OCA2: variants seen among roughly 807,000 people sequenced by gnomAD.
OCA2 encodes OCA2 melanosomal transmembrane protein, also known as P protein.
Under a neutral mutation model 100.2 loss-of-function variants are expected in OCA2, and 77 were observed. The ratio of observed to expected loss-of-function variants is 0.77; its 90% confidence interval spans 0.64 to 0.93. The LOEUF is 0.93. Among genes scored for constraint, OCA2 ranks in the 40% least tolerant of loss-of-function variants. OCA2 has a pLI of 0.00. For synonymous variants in OCA2, 432 were observed against 439.2 expected, an observed-to-expected ratio of 0.98 and a Z score of 0.21; for missense variants, 1,062 against 1,089.1, an observed-to-expected ratio of 0.98 and a Z score of 0.35.
intron 23 of OCA2, among the ~76,000 whole-genome samples, chr15:27,793,506 G>A (rs1392966592): frequency 6.6e-6 from 1 of 152,000 alleles, no homozygotes; most frequent in African/African-American, 2.4e-5. Flanking sequence ...GATTCTTCAG[G>A]TGCTGTATTT....
At chr15:27,813,235 G>T (rs2034150171) in intron 23 of OCA2, among the ~76,000 whole-genome samples, 1 of 152,092 alleles carries the variant, frequency 6.6e-6, no homozygotes, top group Non-Finnish European at 1.5e-5. Context: ...TCCACATCAG[G>T]ATGAGAAATG....
At chr15:27,816,882 C>G (rs1413184484) in intron 23 of OCA2, among the ~76,000 whole-genome samples, 2 of 152,142 alleles carry the variant, frequency 1.3e-5, no homozygotes, top group African/African-American at 4.8e-5. Flanking sequence ...CCCACCACCC[C>G]TCACTGCCCT....
chr15:28,010,365 T>C (rs771617398), intron 9 of OCA2, among the ~76,000 whole-genome samples: 1 of 152,162 alleles, frequency 6.6e-6, no homozygotes, highest in Non-Finnish European at 1.5e-5. Flanking sequence ...GCCACTGCAG[T>C]AAGGCAAGAA....
intron 22 of OCA2, among the ~76,000 whole-genome samples, chr15:27,846,690 C>A (rs2035550308): frequency 6.6e-6 from 1 of 152,132 alleles, no homozygotes; most frequent in Non-Finnish European, 1.5e-5. Context: ...AGGATCTTTC[C>A]ATTTCCTTTT....
At chr15:28,059,910 T>C (rs982842500) in intron 2 of OCA2, among the ~76,000 whole-genome samples, 1 of 152,252 alleles carries the variant, frequency 6.6e-6, no homozygotes. Flanking sequence ...TCTCTCTTTA[T>C]GTACACATTC....
intron 15 of OCA2, among the ~76,000 whole-genome samples, chr15:27,963,051 T>C (rs1249976287): frequency 6.6e-6 from 1 of 152,236 alleles, no homozygotes; most frequent in Non-Finnish European, 1.5e-5. Flanking sequence ...AGATTGTTTT[T>C]ATAGCAAGGT....
At chr15:28,021,803 G>A (rs1236159538) in intron 6 of OCA2, among the ~76,000 whole-genome samples, 1 of 152,280 alleles carries the variant, frequency 6.6e-6, no homozygotes, top group East Asian at 1.9e-4. Context: ...CCATGAGAAG[G>A]TAGGAGGGGA....
chr15:27,957,141 C>T lies in OCA2; in HGVS notation c.1784+447G>A, dbSNP rs2040249431. Reference sequence around the variant, plus strand: ...TCTCAGCTTCAATTAACAACGAATGCCAGGAAACAAATTGAGTGGGGCTTT... The same window carrying T: ...TCTCAGCTTCAATTAACAACGAATGTCAGGAAACAAATTGAGTGGGGCTTT... On this transcript the variant is annotated intron_variant, in intron 16 of 23. Transcript: ENST00000354638. This position sits in a 1 kb window ranked among gnomAD's most constrained non-coding sequence, Gnocchi z 4.3. 6.6e-6 allele frequency among the ~76,000 whole-genome samples: 1 copy of T among 152,194 alleles called. No individual in the cohort carries two copies. Among genetic ancestry groups the T allele is most frequent in the Admixed American group, 6.6e-5 (1 of 15,266 alleles).
intron 2 of OCA2, among the ~76,000 whole-genome samples, chr15:28,045,973 G>A (rs1306454220): frequency 6.6e-6 from 1 of 152,110 alleles, no homozygotes; most frequent in Non-Finnish European, 1.5e-5. Flanking sequence ...TCTTCACCAG[G>A]GCAGCTGCTC....
chr15:27,992,814 G>A, intron 9 of OCA2, among the ~76,000 whole-genome samples: 1 of 152,166 alleles, frequency 6.6e-6, no homozygotes, highest in Non-Finnish European at 1.5e-5. Flanking sequence ...GGACGGAAAG[G>A]AGACTTCCAG....
chr15:28,048,620 A>G (rs2043413571), intron 2 of OCA2, among the ~76,000 whole-genome samples: 2 of 152,190 alleles, frequency 1.3e-5, no homozygotes, highest in South Asian at 4.1e-4. Flanking sequence ...TTGGCAATGG[A>G]TCTTTAGCTA....
intron 21 of OCA2, among the ~76,000 whole-genome samples, chr15:27,857,536 TAAA>T (rs1772107293): frequency 6.6e-6 from 1 of 152,142 alleles, no homozygotes; most frequent in African/African-American, 2.4e-5. Context: ...ACTGTACACT[TAAA>T]AATGATTAAG....
chr15:27,954,712 C>A (rs1414058247), intron 17 of OCA2, among the ~76,000 whole-genome samples: 33 of 151,212 alleles, frequency 2.2e-4, no homozygotes, highest in East Asian at 1.7e-3. Flanking sequence ...AAAAACAAAA[C>A]AAAAGAAAAC....
chr15:27,865,595 G>C (rs2036290350), intron 21 of OCA2, among the ~76,000 whole-genome samples: 1 of 152,192 alleles, frequency 6.6e-6, no homozygotes, highest in Admixed American at 6.5e-5. Context: ...CCTGAACACT[G>C]AGCAGGCCTC....
At chr15:27,803,262 G>A (rs547407314) in intron 23 of OCA2, among the ~76,000 whole-genome samples, 1 of 152,282 alleles carries the variant, frequency 6.6e-6, no homozygotes, top group South Asian at 2.1e-4. Flanking sequence ...AACAGGTCTT[G>A]AAGAGTTATT....
At chr15:27,840,831 G>T (rs530349771) in intron 23 of OCA2, among the ~76,000 whole-genome samples, 39 of 152,284 alleles carry the variant, frequency 2.6e-4, no homozygotes, top group Admixed American at 2.1e-3. Flanking sequence ...GAAAAAAAGG[G>T]CATAGGAGAT....
chr15:27,838,034 G>A (rs927097594), intron 23 of OCA2, among the ~76,000 whole-genome samples: 5 of 152,096 alleles, frequency 3.3e-5, no homozygotes, highest in African/African-American at 4.8e-5. Flanking sequence ...TGACTGCCCC[G>A]TGCAAGGCTT....
the OCA2 span, among the ~76,000 whole-genome samples, chr15:27,730,965 CTAAG>C: frequency 6.6e-6 from 1 of 151,490 alleles, no homozygotes. Flanking sequence ...AGCATTTTCC[CTAAG>C]TGAGTTAAAA....
chr15:28,057,420 G>A (rs1417596743), intron 2 of OCA2, among the ~76,000 whole-genome samples: 2 of 152,050 alleles, frequency 1.3e-5, no homozygotes, highest in Non-Finnish European at 2.9e-5. Context: ...TGCACTGTGA[G>A]AAGCCTCCAT....
Sources: allele counts gnomAD v4.1 joint callset (sites outside exome capture counted in the v4.1 genomes callset), GRCh38; gene constraint gnomAD v4.1.1; non-coding constraint Gnocchi (gnomAD v3.1); transcripts MANE v1.5; gene names NCBI Gene and HGNC (gene_info 2026-07-23, HGNC 2026-07-21).